The following SPAG16 variants were observed in gnomAD, a reference collection of about 807,000 sequenced individuals.
The protein encoded by SPAG16 is sperm-associated antigen 16 protein.
Under a neutral mutation model 80.4 loss-of-function variants are expected in SPAG16, and 86 were observed. The ratio of observed to expected loss-of-function variants is 1.07; its 90% CI spans 0.90 to 1.28. SPAG16 has a LOEUF of 1.28. Ranked by LOEUF, SPAG16 falls within the 50% of genes most tolerant of loss-of-function variation. The probability of loss-of-function intolerance (pLI) is 0.00; values close to 1 mark genes in which losing one functional copy is unlikely to be tolerated. For synonymous variants in SPAG16, 294 were observed against 265.9 expected (o/e 1.11, Z -1.03); for missense variants, 870 against 765.3 (o/e 1.14, Z -1.61).
intron 15 of SPAG16, among the ~76,000 whole-genome samples, chr2:214,263,508 T>C (rs1257960747): frequency 6.6e-6 from 1 of 152,206 alleles, no homozygotes; most frequent in Non-Finnish European, 1.5e-5. Flanking sequence ...CCTACCTTAT[T>C]TTATTGCCTC....
chr2:214,058,735 C>G (rs1057304882), intron 13 of SPAG16, among the ~76,000 whole-genome samples: 1 of 151,928 alleles, frequency 6.6e-6, no homozygotes, highest in Non-Finnish European at 1.5e-5. Flanking sequence ...CTCTCCATAT[C>G]CAAATGTAGT....
chr2:214,236,343 G>T (rs1689073837), intron 15 of SPAG16, among the ~76,000 whole-genome samples: 1 of 152,160 alleles, frequency 6.6e-6, no homozygotes, highest in African/African-American at 2.4e-5. Context: ...AACTGGGTAT[G>T]AATACAGTTT....
intron 5 of SPAG16, among the ~76,000 whole-genome samples, chr2:213,325,776 C>G (rs2063815553): frequency 6.6e-6 from 1 of 151,578 alleles, no homozygotes; most frequent in South Asian, 2.1e-4. Context: ...AAATTTATGC[C>G]CTTCATATTG....
At chr2:214,090,486 T>C (rs1260128754) in intron 13 of SPAG16, among the ~76,000 whole-genome samples, 1 of 151,408 alleles carries the variant, frequency 6.6e-6, no homozygotes, top group Admixed American at 6.6e-5. Flanking sequence ...GTGTCAAGGG[T>C]CAAAGAAAGA....
chr2:213,869,595 C>T (rs2075870328), intron 11 of SPAG16, among the ~76,000 whole-genome samples: 1 of 149,312 alleles, frequency 6.7e-6, no homozygotes, highest in East Asian at 2.0e-4. Flanking sequence ...TAGTTATCAC[C>T]TTTATGTGAA....
chr2:214,131,890 A>G (rs1054930245), intron 14 of SPAG16, among the ~76,000 whole-genome samples: 1 of 152,190 alleles, frequency 6.6e-6, no homozygotes, highest in African/African-American at 2.4e-5. Flanking sequence ...GTCTAAACCC[A>G]TAGAACGTAC....
chr2:213,763,677 A>G (rs550358115), intron 10 of SPAG16, among the ~76,000 whole-genome samples: 3 of 152,270 alleles, frequency 2.0e-5, no homozygotes, highest in African/African-American at 7.2e-5. Flanking sequence ...TTACCACGAT[A>G]AAAAGGAAAA....
chr2:213,869,811 C>T (rs1001331323), intron 11 of SPAG16, among the ~76,000 whole-genome samples: 4 of 152,206 alleles, frequency 2.6e-5, no homozygotes, highest in African/African-American at 9.6e-5. Context: ...TACACATTTA[C>T]AAATGCCCTT....
chr2:213,567,402 T>G (rs1467364690), intron 10 of SPAG16, among the ~76,000 whole-genome samples: 5 of 93,934 alleles, frequency 5.3e-5, no homozygotes, highest in African/African-American at 2.2e-4. Context: ...CCCACCACAG[T>G]CCCCAGAGTG....
intron 4 of SPAG16, among the ~76,000 whole-genome samples, chr2:213,312,925 C>G (rs1426326584): frequency 2.0e-5 from 3 of 151,618 alleles, no homozygotes; most frequent in African/African-American, 7.3e-5. Flanking sequence ...TGATATAGCC[C>G]TTATGTTGCC....
At chr2:214,253,186 G>A (rs1203323263) in intron 15 of SPAG16, among the ~76,000 whole-genome samples, 3 of 144,078 alleles carry the variant, frequency 2.1e-5, no homozygotes, top group Non-Finnish European at 4.5e-5. Context: ...TAAGTTCTTT[G>A]TTGATTCTGG....
chr2:213,838,921 G>C (rs944570437), intron 10 of SPAG16, among the ~76,000 whole-genome samples: 7 of 152,170 alleles, frequency 4.6e-5, no homozygotes, highest in African/African-American at 7.2e-5. Flanking sequence ...TTGATCAGTT[G>C]CACCTAGTGT....
chr2:213,748,949 C>A (rs1204691556), intron 10 of SPAG16, among the ~76,000 whole-genome samples: 1 of 152,084 alleles, frequency 6.6e-6, no homozygotes, highest in Non-Finnish European at 1.5e-5. Flanking sequence ...GAGATCGAGA[C>A]CATCCTGGCC....
intron 10 of SPAG16, among the ~76,000 whole-genome samples, chr2:213,685,758 A>C (rs2064635304): frequency 6.6e-6 from 1 of 152,226 alleles, no homozygotes; most frequent in South Asian, 2.1e-4. Flanking sequence ...AGATGATAGT[A>C]GCTTGGACAC....
intron 15 of SPAG16, among the ~76,000 whole-genome samples, chr2:214,292,568 C>A (rs946173628): frequency 6.6e-6 from 1 of 151,824 alleles, no homozygotes; most frequent in African/African-American, 2.4e-5. Context: ...TTTCTGATTT[C>A]TCTGTATTGC....
chr2:214,137,323 A>C (rs141757916), intron 14 of SPAG16, among the ~76,000 whole-genome samples: 1 of 152,178 alleles, frequency 6.6e-6, no homozygotes, highest in Non-Finnish European at 1.5e-5. Flanking sequence ...TGCCATTATA[A>C]TAGTTTAGTT....
chr2:213,639,953 C>T (rs2062523334), intron 10 of SPAG16, among the ~76,000 whole-genome samples: 1 of 151,886 alleles, frequency 6.6e-6, no homozygotes, highest in African/African-American at 2.4e-5. Context: ...TTTTCTTTAT[C>T]TGTGTTGGAT....
At chr2:213,600,983 T>C (rs1559297404) in intron 10 of SPAG16, among the ~76,000 whole-genome samples, 2 of 152,172 alleles carry the variant, frequency 1.3e-5, no homozygotes, top group Non-Finnish European at 2.9e-5. Flanking sequence ...TACAGATTTT[T>C]ATATATCCTT....
intron 15 of SPAG16, among the ~76,000 whole-genome samples, chr2:214,335,097 T>A (rs1697188463): frequency 6.6e-6 from 1 of 152,128 alleles, no homozygotes; most frequent in South Asian, 2.1e-4. Flanking sequence ...CCTCAGCTGA[T>A]CCTATAGGAA....
Sources: gnomAD v4.1 joint callset for allele counts (sites outside exome capture counted in the v4.1 genomes callset) on GRCh38, gnomAD v4.1.1 for gene constraint, MANE v1.5 for transcripts, NCBI Gene and HGNC (gene_info 2026-07-23, HGNC 2026-07-21) for gene names.